Variants in HELZ observed in about 807,000 individuals in gnomAD.
The protein encoded by HELZ is helicase with zinc finger.
A neutral mutation model predicts 218.2 loss-of-function variants in HELZ; 23 were observed. The observed-to-expected ratio is 0.11, with a 90% CI of 0.08 to 0.15. The LOEUF is 0.15. Ranked by LOEUF, HELZ falls within the 10% of genes least tolerant of loss-of-function variation. The probability of loss-of-function intolerance (pLI) is 1.00; values close to 1 mark genes in which losing one functional copy is unlikely to be tolerated. For synonymous variants in HELZ, 814 were observed against 829.4 expected (o/e 0.98, Z 0.32); for missense variants, 1,813 against 2,353.7 (o/e 0.77, Z 4.75).
At chr17:67,103,500 GA>G (rs2036991781) in intron 31 of HELZ, among the ~76,000 whole-genome samples, 1 of 152,138 alleles carries the variant, frequency 6.6e-6, no homozygotes, top group African/African-American at 2.4e-5. Context: ...ATGATAGCAT[GA>G]GAAAGAATAA....
chr17:67,089,860 G>A (rs955844847), intron 31 of HELZ, among the ~76,000 whole-genome samples: 4 of 151,514 alleles, frequency 2.6e-5, no homozygotes, highest in African/African-American at 9.7e-5. Context: ...CATGTCATCT[G>A]TGAATGGAGA....
chr17:67,173,699 T>G (rs959494224), intron 13 of HELZ, among the ~76,000 whole-genome samples: 2 of 152,170 alleles, frequency 1.3e-5, no homozygotes, highest in Admixed American at 6.5e-5. Context: ...AGCACCCATC[T>G]AATGATGAAA....
At chr17:67,183,271 A>G (rs2039662258) in intron 12 of HELZ, among the ~76,000 whole-genome samples, 2 of 152,234 alleles carry the variant, frequency 1.3e-5, no homozygotes, top group South Asian at 4.1e-4. Context: ...AATCTCTCTC[A>G]GCTTGCCTAT....
At chr17:67,195,560 G>A in intron 7 of HELZ, 90 bp from the exon 8 acceptor site, 1 of 757,968 alleles carries the variant, frequency 1.3e-6, no homozygotes. Context: ...AAACAAAGGT[G>A]AAGTTGGAAT....
intron 3 of HELZ, among the ~76,000 whole-genome samples, chr17:67,219,876 C>T (rs2040699393): frequency 1.3e-5 from 2 of 152,188 alleles, no homozygotes; most frequent in Non-Finnish European, 2.9e-5. Flanking sequence ...GGAGTTTACA[C>T]GTTGTTTCTC....
At chr17:67,209,598 AAAAAC>A (rs906909405) in intron 5 of HELZ, among the ~76,000 whole-genome samples, 8 of 152,206 alleles carry the variant, frequency 5.3e-5, no homozygotes, top group African/African-American at 9.7e-5. Context: ...ACTCTGTCTC[AAAAAC>A]AAAACAAAAC....
intron 3 of HELZ, among the ~76,000 whole-genome samples, chr17:67,226,138 T>C (rs2143384637): frequency 6.6e-6 from 1 of 151,748 alleles, no homozygotes; most frequent in Non-Finnish European, 1.5e-5. Context: ...CGTGCACCTG[T>C]AGTCCCAGCT....
chr17:67,161,708 C>T (rs772375616), intron 15 of HELZ, among the ~76,000 whole-genome samples: 1 of 152,108 alleles, frequency 6.6e-6, no homozygotes, highest in African/African-American at 2.4e-5. Context: ...ACAAATAATA[C>T]ACATATTATA....
At chr17:67,124,798 T>C (rs1443313018) in intron 24 of HELZ, among the ~76,000 whole-genome samples, 3 of 152,146 alleles carry the variant, frequency 2.0e-5, no homozygotes, top group Non-Finnish European at 4.4e-5. Flanking sequence ...ATGGTATATT[T>C]AGTCTACCAT....
chr17:67,189,699 G>A lies in HELZ; in HGVS notation c.757-3C>T. ...ACTCCTTCTATACATTCACTAAGCT[G>A]AAAACAGACAGCAATTTATGTTATG... On this transcript the variant is annotated splice_polypyrimidine_tract_variant and splice_region_variant and intron_variant, in intron 10 of 32. Coordinates refer to ENST00000358691, the MANE Select transcript of HELZ (RefSeq NM_014877.4). 6.4e-7 allele frequency: 1 copy of A among 1,564,860 alleles called. No individual in the cohort carries two copies. The highest frequency in any genetic ancestry group is 8.8e-7 in the Non-Finnish European group (1 of 1,136,104).
At chr17:67,204,641 C>G (rs960128772) in intron 5 of HELZ, among the ~76,000 whole-genome samples, 4 of 151,836 alleles carry the variant, frequency 2.6e-5, no homozygotes, top group African/African-American at 9.7e-5. Context: ...TTACATATAC[C>G]TTTTATTGAA....
chr17:67,127,280 A>G, intron 24 of HELZ, among the ~76,000 whole-genome samples: 1 of 152,206 alleles, frequency 6.6e-6, no homozygotes, highest in East Asian at 1.9e-4. Flanking sequence ...TAGCACCTAC[A>G]ATAACATCTG....
upstream of HELZ, chr17:67,245,523 T>G: frequency 1.0e-6 from 1 of 985,174 alleles, no homozygotes; most frequent in South Asian, 4.7e-5. Context: ...AACCCGAGGT[T>G]TCCTTGCCGC....
At chr17:67,090,325 G>A (rs528270508) in intron 31 of HELZ, among the ~76,000 whole-genome samples, 1 of 152,232 alleles carries the variant, frequency 6.6e-6, no homozygotes, top group African/African-American at 2.4e-5. Context: ...TCTTGCTGAG[G>A]ATGCTTACAT....
At chr17:67,194,997 T>A (rs2039987251) in intron 8 of HELZ, among the ~76,000 whole-genome samples, 1 of 152,154 alleles carries the variant, frequency 6.6e-6, no homozygotes, top group Admixed American at 6.5e-5. Context: ...GTTCTTCTTT[T>A]CCCTTTCCTC....
At chr17:67,237,067 T>C (rs1379840247) in intron 3 of HELZ, among the ~76,000 whole-genome samples, 2 of 152,104 alleles carry the variant, frequency 1.3e-5, no homozygotes, top group Non-Finnish European at 1.5e-5. Flanking sequence ...TGGCCGGGCG[T>C]AGTGGTTCAC....
At chr17:67,146,347 TACC>T (rs1400268349) in intron 20 of HELZ, among the ~76,000 whole-genome samples, 1 of 152,208 alleles carries the variant, frequency 6.6e-6, no homozygotes, top group East Asian at 1.9e-4. Flanking sequence ...TACAAATACT[TACC>T]ATTGTTTTAC....
At chr17:67,098,555 T>C (rs1402654005) in intron 31 of HELZ, among the ~76,000 whole-genome samples, 3 of 148,208 alleles carry the variant, frequency 2.0e-5, no homozygotes, top group Non-Finnish European at 4.5e-5. Context: ...GCCAACGTGG[T>C]GAAATCCCGT....
intron 21 of HELZ, among the ~76,000 whole-genome samples, chr17:67,139,400 G>T (rs1241601369): frequency 6.6e-6 from 1 of 152,118 alleles, no homozygotes; most frequent in Non-Finnish European, 1.5e-5. Flanking sequence ...TACCCATGTG[G>T]TTAGATGTGG....
Sources: gnomAD v4.1 joint callset for allele counts (sites outside exome capture counted in the v4.1 genomes callset) on GRCh38, gnomAD v4.1.1 for gene constraint, MANE v1.5 for transcripts, NCBI Gene and HGNC (gene_info 2026-07-23, HGNC 2026-07-21) for gene names.